The following PORCN variants were observed in gnomAD, a reference collection of about 807,000 sequenced individuals.
The protein encoded by PORCN is protein-serine O-palmitoleoyltransferase porcupine.
In PORCN, 1 loss-of-function variant was observed where a neutral mutation model predicts 43.0. That is an observed-to-expected ratio of 0.02 (90% confidence interval 0.01 to 0.11). The LOEUF (loss-of-function observed/expected upper bound fraction) is 0.11, where lower values mean the gene tolerates loss of function less well. Among genes scored for constraint, PORCN ranks in the 10% least tolerant of loss-of-function variants. The pLI is 1.00. For synonymous variants in PORCN, 148 were observed against 166.4 expected, an observed-to-expected ratio of 0.89 and a Z score of 0.85; for missense variants, 240 against 392.1, an observed-to-expected ratio of 0.61 and a Z score of 3.28.
Position 48,516,112 on chromosome X carries a change from G to A in PORCN, c.1139G>A (p.Arg380Gln), listed in dbSNP as rs782631909. The A allele has an allele frequency of 1.5e-5, 18 of 1,211,618 alleles. No individual in the cohort carries two copies. Among genetic ancestry groups the A allele is most frequent in the South Asian group, 3.5e-5 (2 of 56,935 alleles). The change falls in exon 13 of 15, where the codon CGG (arginine) becomes CAG (glutamine). Residue 380 changes from arginine (R) to glutamine (Q), a missense_variant. Physicochemically the swap from Arg to Gln is conservative, Grantham distance 43. Transcript: ENST00000326194. ...RILSACVLSKRCPPDCSHQHR... is the reference protein window; with the variant it reads ...RILSACVLSKQCPPDCSHQHR... ...CTCAGTGCCTGTGTCTTGTCAAAGC[G>A]GTGCCCGCCAGACTGTTCGCACCAG...
At chrX:48,509,671 G>A in intron 1 of PORCN, 113 bp from the exon 2 acceptor site, 2 of 1,153,705 alleles carry the variant, frequency 1.7e-6, no homozygotes, top group Non-Finnish European at 2.3e-6. Flanking sequence ...CTCCAGTACC[G>A]TGCCTCTACA....
chrX:48,514,556 G>C lies in PORCN; in HGVS notation c.877G>C (p.Glu293Gln). ...DLTVSKPLNV[E>Q]LPRSMVEVVT... ...GACGGTGTCCAAGCCACTGAATGTGGAGCTGCCTCGGTCAATGGTGGAAGT... is the reference window on the plus strand; with the variant it reads ...GACGGTGTCCAAGCCACTGAATGTGCAGCTGCCTCGGTCAATGGTGGAAGT... Residue 293 changes from glutamate (E) to glutamine (Q), a missense_variant, in exon 10 of 15, where the codon GAG becomes CAG. By Grantham distance (29) the Glu-to-Gln change is conservative. Coordinates refer to ENST00000326194, the MANE Select transcript of PORCN (RefSeq NM_203475.3). The C allele has an allele frequency of 8.3e-7, 1 of 1,211,931 alleles. No individual in the cohort carries two copies. Among genetic ancestry groups the C allele is most frequent in the Non-Finnish European group, 1.1e-6 (1 of 895,422 alleles).
chrX:48,509,694 C>A, intron 1 of PORCN, 90 bp from the exon 2 acceptor site: 1 of 1,159,368 alleles, frequency 8.6e-7, no homozygotes, highest in Non-Finnish European at 1.1e-6. Context: ...GGCTGGGCAG[C>A]CCCAAACTGA....
intron 3 of PORCN, 147 bp from the exon 4 acceptor site, chrX:48,511,745 G>A (rs2061677371): frequency 1.7e-5 from 10 of 601,036 alleles, no homozygotes; most frequent in Admixed American, 4.9e-5. Context: ...CTGGAGGAGG[G>A]AGCCTGGGAG....
At position 48,520,785 on chromosome X, in the gene PORCN, C is replaced by T. The variant is rs782636366; in HGVS notation, c.*309C>T. ...CTTTTTATATACAATTTGTTATTGTCAAATAAAAGTAGGAAATATTCAATA... is the reference window on the plus strand; with the variant it reads ...CTTTTTATATACAATTTGTTATTGTTAAATAAAAGTAGGAAATATTCAATA... On this transcript the variant is annotated 3_prime_UTR_variant, in exon 15 of 15. Transcript: ENST00000326194. The T allele has an allele frequency of 5.9e-6, 2 of 337,052 alleles. No individual in the cohort carries two copies. The highest frequency in any genetic ancestry group is 7.6e-5 in the South Asian group (2 of 26,190). The allele number at this position is 337,052 out of a possible 1,213,427, so 27.8% of individuals were successfully genotyped here.
At position 48,512,402 on chromosome X, in the gene PORCN, C is replaced by G. The variant is rs372884294; in HGVS notation, c.450C>G (p.Pro150=). The G allele has an allele frequency of 5.8e-6, 7 of 1,210,133 alleles. No homozygotes were observed. Among genetic ancestry groups the G allele is most frequent in the Non-Finnish European group, 7.8e-6 (7 of 895,151 alleles). ...DLDRGEVGTV[P]SPVEFMGYLY... The stretch of plus-strand genomic sequence containing the variant: ...ACCGGGGCGAGGTGGGTACGGTGCC[C>G]TCGCCAGTGGAGTTCATGGGCTACC... Residue 150 remains proline (P), a synonymous_variant, in exon 5 of 15, where the codon CCC becomes CCG. Transcript: ENST00000326194.
intron 2 of PORCN, among the ~76,000 whole-genome samples, chrX:48,510,811 A>G (rs1313972292): frequency 4.6e-5 from 5 of 109,733 alleles, no homozygotes; most frequent in Non-Finnish European, 9.5e-5. Context: ...CTATCTATCT[A>G]TCATCTTCCT....
intron 7 of PORCN, among the ~76,000 whole-genome samples, chrX:48,513,461 A>G (rs1216060046): frequency 8.9e-6 from 1 of 111,755 alleles, no homozygotes; most frequent in African/African-American, 3.3e-5. Context: ...GCCTGTCTGC[A>G]GGACTGACTG....
At chrX:48,509,437 T>G in intron 1 of PORCN, 1 of 847,101 alleles carries the variant, frequency 1.2e-6, no homozygotes, top group Non-Finnish European at 1.5e-6. Context: ...GACTCTACCT[T>G]GGAAACCAGG....
intron 1 of PORCN, chrX:48,509,339 C>A: frequency 3.6e-6 from 1 of 278,585 alleles, no homozygotes; most frequent in Non-Finnish European, 6.3e-6. Flanking sequence ...GGACACCCCC[C>A]CTCCCCGTGC....
At chrX:48,514,017 T>C (rs1602074808) in intron 7 of PORCN, 110 bp from the exon 8 acceptor site, 10 of 926,227 alleles carry the variant, frequency 1.1e-5, no homozygotes, top group Non-Finnish European at 4.6e-6. Flanking sequence ...TCACCTTTTT[T>C]GTGGCTACAT....
chrX:48,516,358 G>A (rs2061717523), intron 13 of PORCN: 1 of 459,200 alleles, frequency 2.2e-6, no homozygotes, highest in South Asian at 3.0e-5. Flanking sequence ...GTTTCCCCCA[G>A]TGAACATCCG....
intron 1 of PORCN, chrX:48,509,361 T>A: frequency 1.2e-5 from 4 of 327,084 alleles, no homozygotes; most frequent in Non-Finnish European, 1.5e-5. Flanking sequence ...GCCGCATCCA[T>A]ACAAGGAGAG....
intron 13 of PORCN, among the ~76,000 whole-genome samples, chrX:48,516,884 C>T (rs782627072): frequency 9.0e-6 from 1 of 111,165 alleles, no homozygotes; most frequent in East Asian, 2.8e-4. Context: ...GTCTCCCACC[C>T]AACTCCCGTT....
At chrX:48,513,630 C>T (rs1556974489) in intron 7 of PORCN, among the ~76,000 whole-genome samples, 1 of 112,751 alleles carries the variant, frequency 8.9e-6, no homozygotes, top group African/African-American at 3.2e-5. Flanking sequence ...AATCCCAGGC[C>T]TAACTTCAGA....
At chrX:48,513,207 C>T (rs1468181835) in intron 7 of PORCN, among the ~76,000 whole-genome samples, 1 of 112,650 alleles carries the variant, frequency 8.9e-6, no homozygotes, top group Non-Finnish European at 1.9e-5. Context: ...CACTGACCCC[C>T]GAATGTAAGC....
intron 3 of PORCN, 106 bp downstream of exon 3, chrX:48,511,593 G>A (rs1205941357): frequency 2.2e-5 from 16 of 721,367 alleles, no homozygotes; most frequent in South Asian, 8.5e-5. Flanking sequence ...GAGATTCCCC[G>A]GAGAAAGAAG....
At chrX:48,512,538 A>G in intron 5 of PORCN, 31 bp downstream of exon 5, 2 of 1,207,992 alleles carry the variant, frequency 1.7e-6, no homozygotes, top group Non-Finnish European at 2.2e-6. Flanking sequence ...GTGGGCAGGG[A>G]CTGTGGGAGC....
rs782256540 is a variant in PORCN, at chrX:48,514,367, TG to T, written c.845+9del. 19 of 1,205,764 alleles carry T rather than the reference TG, an allele frequency of 1.6e-5. No homozygotes were observed. The Admixed American group carries it at 2.9e-4, about 18-fold the overall frequency. ...CGAGGAGAAGGATCACCTGGAATGG[TG>T]GGGGGGCTTGGGGACCCCCTCTCCC... On this transcript the variant is annotated splice_donor_region_variant and intron_variant, in intron 9 of 14. Coordinates refer to ENST00000326194, the MANE Select transcript of PORCN (RefSeq NM_203475.3).
Sources: gnomAD v4.1 joint callset for allele counts (sites outside exome capture counted in the v4.1 genomes callset) on GRCh38, gnomAD v4.1.1 for gene constraint, MANE v1.5 for transcripts, NCBI Gene and HGNC (gene_info 2026-07-23, HGNC 2026-07-21) for gene names.